The following CD8B2 variants were observed in gnomAD, a reference collection of about 807,000 sequenced individuals.
CD8B2 encodes the protein T-cell surface glycoprotein CD8 beta-2 chain.
In CD8B2, 11 loss-of-function variants were observed where a neutral mutation model predicts 23.7. The ratio of observed to expected loss-of-function variants is 0.46; its 90% CI spans 0.29 to 0.77. The LOEUF (loss-of-function observed/expected upper bound fraction) is 0.77. Among genes scored for constraint, CD8B2 ranks in the 30% least tolerant of loss-of-function variants. CD8B2 has a pLI of 0.09. For missense variants in CD8B2, 197 were observed against 270.5 expected, an observed-to-expected ratio of 0.73 and a Z score of 1.91; for synonymous variants, 90 against 109.3, an observed-to-expected ratio of 0.82 and a Z score of 1.10.
intron 5 of CD8B2, among the ~76,000 whole-genome samples, chr2:106,524,470 G>A (rs965363933): frequency 1.6e-4 from 25 of 152,096 alleles, no homozygotes; most frequent in Non-Finnish European, 1.5e-4. Flanking sequence ...CTGAAGCACC[G>A]TCCTGAAGTG....
chr2:106,496,404 G>C, intron 3 of CD8B2, 142 bp downstream of exon 3: 1 of 1,360,938 alleles, frequency 7.3e-7, no homozygotes, highest in Non-Finnish European at 1.0e-6. Flanking sequence ...GGTCAGAAAG[G>C]ATGCTGAGTG....
At position 106,516,829 on chromosome 2, in the gene CD8B2, A is replaced by G. The variant is rs561551321; in HGVS notation, c.620+12504A>G. ...ACTGGAACCTAAACATTTCAATTCT[A>G]AATGATCTTTCATTACCAGGCTTTT... is the stretch of plus-strand genomic sequence containing the variant. On this transcript the variant is annotated intron_variant, in intron 5 of 5. Coordinates refer to the CD8B2 transcript ENST00000416057. 1.4e-3 allele frequency among the ~76,000 whole-genome samples: 208 copies of G among 151,834 alleles called. 2 individuals carry two copies. In the Middle Eastern group the frequency reaches 0.034, roughly 25 times the overall value.
rs140056593 is a variant in CD8B2, at chr2:106,541,002, A to G, written c.621-2990A>G. On this transcript the variant is annotated intron_variant, in intron 5 of 5. Coordinates refer to the CD8B2 transcript ENST00000416057. ...GGGGAAAATGACCTTTAAGAGACTC[A>G]ATGGTCCACAGGAGCCCAGCAGGAG... Among the ~76,000 whole-genome samples the G allele has an allele frequency of 4.6e-3, 695 of 152,232 alleles. 4 individuals are homozygous for G. Among genetic ancestry groups the G allele is most frequent in the African/African-American group, 0.016 (651 of 41,540 alleles).
chr2:106,533,899 G>C (rs145875240), intron 5 of CD8B2, among the ~76,000 whole-genome samples: 5 of 152,284 alleles, frequency 3.3e-5, no homozygotes, highest in African/African-American at 1.2e-4. Context: ...TTGGGCACCT[G>C]ACCCTGATAT....
At chr2:106,533,568 C>A (rs903308532) in intron 5 of CD8B2, among the ~76,000 whole-genome samples, 3 of 152,104 alleles carry the variant, frequency 2.0e-5, no homozygotes, top group African/African-American at 7.2e-5. Context: ...TCCTGTCCAT[C>A]CCCTCCTTAC....
chr2:106,517,513 T>C (rs116036298), intron 5 of CD8B2, among the ~76,000 whole-genome samples: 235 of 152,104 alleles, frequency 1.5e-3, no homozygotes, highest in Middle Eastern at 3.4e-3. Context: ...GACGGGAAAT[T>C]AACACCAACA....
chr2:106,491,357 T>C (rs1679193102), intron 2 of CD8B2, 124 bp downstream of exon 2: 2 of 823,498 alleles, frequency 2.4e-6, no homozygotes, highest in Non-Finnish European at 4.0e-6. Flanking sequence ...CTGCTGCTAA[T>C]AGTAACAGAA....
chr2:106,530,066 A>G (rs1679970086), intron 5 of CD8B2, among the ~76,000 whole-genome samples: 1 of 152,252 alleles, frequency 6.6e-6, no homozygotes, highest in Non-Finnish European at 1.5e-5. Flanking sequence ...TTGTAGGAAC[A>G]GAAGGTAGTG....
downstream of CD8B2, among the ~76,000 whole-genome samples, chr2:106,511,779 G>A (rs1679636066): frequency 6.6e-6 from 1 of 152,242 alleles, no homozygotes; most frequent in South Asian, 2.1e-4. Context: ...TGACACTCCC[G>A]GGGAACCGTG....
intron 2 of CD8B2, among the ~76,000 whole-genome samples, chr2:106,495,463 C>G (rs141253428): frequency 6.6e-6 from 1 of 152,156 alleles, no homozygotes; most frequent in East Asian, 1.9e-4. Flanking sequence ...TGCTTGAACC[C>G]GGGAGGCAAA....
At chr2:106,494,413 G>T (rs1406797391) in intron 2 of CD8B2, among the ~76,000 whole-genome samples, 1 of 152,004 alleles carries the variant, frequency 6.6e-6, no homozygotes, top group Non-Finnish European at 1.5e-5. Context: ...CTCCCAAAGT[G>T]CTGGGATTAC....
chr2:106,533,453 G>A lies in CD8B2; in HGVS notation c.621-10539G>A, dbSNP rs562274600. 1.5e-4 allele frequency among the ~76,000 whole-genome samples: 23 copies of A among 152,252 alleles called. No homozygotes were observed. The South Asian group carries it at 4.8e-3, about 32-fold the overall frequency. On this transcript the variant is annotated intron_variant, in intron 5 of 5. Coordinates refer to the CD8B2 transcript ENST00000416057. ...CTTTTGTAAACGTTGGTGATGACGA[G>A]GAAAGAGTTGAACTGTGAAATCCTA...
At chr2:106,541,824 C>T (rs896653985) in intron 5 of CD8B2, among the ~76,000 whole-genome samples, 46 of 152,198 alleles carry the variant, frequency 3.0e-4, no homozygotes, top group Non-Finnish European at 6.2e-4. Flanking sequence ...AACCTACCAA[C>T]ATATTTCATC....
intron 2 of CD8B2, among the ~76,000 whole-genome samples, chr2:106,492,024 C>A (rs1270265590): frequency 6.6e-6 from 1 of 152,092 alleles, no homozygotes; most frequent in Non-Finnish European, 1.5e-5. Flanking sequence ...CCAGTGAGGG[C>A]ATTTCTAGGG....
chr2:106,494,067 A>G (rs1573329489), intron 2 of CD8B2, among the ~76,000 whole-genome samples: 2 of 152,226 alleles, frequency 1.3e-5, no homozygotes, highest in East Asian at 3.9e-4. Context: ...GAGGGGTTAA[A>G]ATGTCTACTT....
chr2:106,497,150 G>A (rs1229021526), intron 3 of CD8B2, among the ~76,000 whole-genome samples: 1 of 152,146 alleles, frequency 6.6e-6, no homozygotes. Flanking sequence ...GGTGGCACAT[G>A]CCTGTAGTCC....
chr2:106,543,985 C>A (rs1680214748), intron 5 of CD8B2: 1 of 398,524 alleles, frequency 2.5e-6, no homozygotes, highest in Admixed American at 4.4e-5. Context: ...TCCTATTTTT[C>A]TTCCAGACCC....
At chr2:106,527,575 G>C (rs1679924116) in intron 5 of CD8B2, among the ~76,000 whole-genome samples, 1 of 152,184 alleles carries the variant, frequency 6.6e-6, no homozygotes, top group South Asian at 2.1e-4. Context: ...ATGCGGCCAG[G>C]AGTTCAAGAC....
Position 106,491,026 on chromosome 2 carries a change from C to T in CD8B2, c.196C>T (p.His66Tyr), listed in dbSNP as rs1679185025. The change falls in exon 2 of 6, where the codon CAC becomes TAC. Residue 66 changes from histidine (H) to tyrosine (Y), a missense_variant. This residue lies in a region of CD8B2 where 140 missense variants were observed against 164.2 expected (regional missense o/e 0.85). Transcript: ENST00000643224. ...RQRQAPSSDS[H>Y]HEFLTLWDSA... Reference sequence around the variant, plus strand: ...GCGCCAGGCCCCGAGCAGTGATAGTCACCACGAGTTCCTGACCCTCTGGGA... The same window carrying T: ...GCGCCAGGCCCCGAGCAGTGATAGTTACCACGAGTTCCTGACCCTCTGGGA... 1 of 1,613,990 alleles carries T rather than the reference C, an allele frequency of 6.2e-7. No homozygotes were observed. The highest frequency in any genetic ancestry group is 8.5e-7 in the Non-Finnish European group (1 of 1,179,850).
Sources: allele counts gnomAD v4.1 joint callset (sites outside exome capture counted in the v4.1 genomes callset), GRCh38; gene constraint gnomAD v4.1.1; regional missense constraint gnomAD v4.1.1; transcripts MANE v1.5; gene names NCBI Gene and HGNC (gene_info 2026-07-23, HGNC 2026-07-21).